TRPC7: variants seen among roughly 807,000 people sequenced by gnomAD.
The protein encoded by TRPC7 is transient receptor potential cation channel subfamily C member 7, also known as short transient receptor potential channel 7.
TRPC7 carries 42 observed loss-of-function variants against 90.1 expected under a neutral mutation model. The observed-to-expected ratio is 0.47, with a 90% CI of 0.36 to 0.60. TRPC7 has a LOEUF of 0.60. Ranked by LOEUF, TRPC7 falls within the 20% of genes least tolerant of loss-of-function variation. The probability of loss-of-function intolerance (pLI) is 0.00; values close to 1 mark genes in which losing one functional copy is unlikely to be tolerated. For synonymous variants in TRPC7, 451 were observed against 436.3 expected (o/e 1.03, Z -0.42); for missense variants, 955 against 1,112.3 (o/e 0.86, Z 2.01).
intron 7 of TRPC7, among the ~76,000 whole-genome samples, chr5:136,241,014 A>C (rs937209367): frequency 6.6e-6 from 1 of 152,096 alleles, no homozygotes; most frequent in African/African-American, 2.4e-5. Flanking sequence ...GTGTGTGGGC[A>C]GAGTCTTAAG....
intron 3 of TRPC7, among the ~76,000 whole-genome samples, chr5:136,288,668 G>A (rs968948161): frequency 3.7e-4 from 56 of 152,314 alleles, no homozygotes; most frequent in Admixed American, 1.9e-3. Flanking sequence ...ACACAGGGCC[G>A]TTTGCTCACA....
intron 3 of TRPC7, among the ~76,000 whole-genome samples, chr5:136,291,893 T>C (rs1309825537): frequency 6.6e-6 from 1 of 152,152 alleles, no homozygotes; most frequent in Admixed American, 6.5e-5. Context: ...TAGTTGGAAG[T>C]AAAGCACTCC....
At chr5:136,227,370 C>A (rs1353479989) in intron 8 of TRPC7, among the ~76,000 whole-genome samples, 4 of 152,176 alleles carry the variant, frequency 2.6e-5, no homozygotes, top group Admixed American at 2.6e-4. Flanking sequence ...AAACTGCTTC[C>A]CTCACATAGC....
intron 2 of TRPC7, among the ~76,000 whole-genome samples, chr5:136,354,885 T>C (rs939389149): frequency 1.3e-5 from 2 of 152,178 alleles, no homozygotes; most frequent in African/African-American, 2.4e-5. Flanking sequence ...ATGCCTACTC[T>C]CTCTTCGTAA....
At chr5:136,255,495 T>C (rs568074306) in intron 5 of TRPC7, among the ~76,000 whole-genome samples, 1 of 152,366 alleles carries the variant, frequency 6.6e-6, no homozygotes, top group African/African-American at 2.4e-5. Context: ...GTTCTCACTT[T>C]TTTTAGACAT....
intron 10 of TRPC7, among the ~76,000 whole-genome samples, chr5:136,221,144 G>C (rs759905108): frequency 5.5e-4 from 83 of 151,366 alleles, no homozygotes; most frequent in Admixed American, 8.6e-4. Context: ...TGTATGTTTT[G>C]TGATGAGTTT....
chr5:136,324,296 A>G (rs1237723065), intron 2 of TRPC7, among the ~76,000 whole-genome samples: 2 of 152,182 alleles, frequency 1.3e-5, no homozygotes, highest in African/African-American at 2.4e-5. Flanking sequence ...TGGTGAGAAA[A>G]TGCTCAGAAA....
intron 8 of TRPC7, among the ~76,000 whole-genome samples, chr5:136,227,462 G>A (rs115612761): frequency 1.0e-3 from 155 of 152,306 alleles, no homozygotes; most frequent in African/African-American, 3.7e-3. Context: ...GAGGGGCTGT[G>A]AACCCAGCAA....
At chr5:136,361,936 G>A (rs2673926) in intron 1 of TRPC7, among the ~76,000 whole-genome samples, 57,303 of 151,912 alleles carry the variant, frequency 0.38, 11,764 homozygotes, top group African/African-American at 0.55. Flanking sequence ...AGCACAGTGA[G>A]GATTAAATAA....
chr5:136,288,276 T>G (rs1434603395), intron 3 of TRPC7, among the ~76,000 whole-genome samples: 1 of 152,170 alleles, frequency 6.6e-6, no homozygotes, highest in Non-Finnish European at 1.5e-5. Flanking sequence ...AAATTCATAC[T>G]GTTTATGCCT....
chr5:136,298,887 T>A (rs963065251), intron 3 of TRPC7, among the ~76,000 whole-genome samples: 1 of 152,180 alleles, frequency 6.6e-6, no homozygotes, highest in African/African-American at 2.4e-5. Flanking sequence ...TGTTTCAGGC[T>A]CTGCTTCTAG....
In TRPC7 at chr5:136,365,481, C is replaced by T. The variant is rs945690369; in HGVS notation, c.-227G>A. On this transcript the variant is annotated 5_prime_UTR_variant, in exon 1 of 12. Coordinates refer to ENST00000513104, the MANE Select transcript of TRPC7 (RefSeq NM_020389.3). ...GCCTTCCGAGGCAGAACCGTGTTAC[C>T]GTCCTTTTCCTAATCGGGGGGAAAT... 5 of 571,452 alleles carry T rather than the reference C, an allele frequency of 8.7e-6. No homozygotes were observed. Among genetic ancestry groups the T allele is most frequent in the African/African-American group, 7.5e-5 (4 of 53,556 alleles). 35.4% of individuals were successfully genotyped at this position (571,452 alleles called of 1,614,324 possible). A position where few individuals can be genotyped will look rare whatever the true frequency, so the allele number is the denominator to read the frequency against.
intron 7 of TRPC7, among the ~76,000 whole-genome samples, chr5:136,246,707 A>G (rs1198869315): frequency 6.6e-6 from 1 of 152,176 alleles, no homozygotes; most frequent in Non-Finnish European, 1.5e-5. Flanking sequence ...CCCTCACTCT[A>G]ATAAAGTGTT....
At chr5:136,337,663 CAA>C (rs55856709) in intron 2 of TRPC7, among the ~76,000 whole-genome samples, 426 of 121,522 alleles carry the variant, frequency 3.5e-3, no homozygotes, top group Middle Eastern at 0.017. Context: ...GAGACTCCAT[CAA>C]AAAAAAAAAA....
At position 136,247,167 on chromosome 5, in the gene TRPC7, A is replaced by C. The variant is rs1214709799; in HGVS notation, c.1844+304T>G. On this transcript the variant is annotated intron_variant, in intron 7 of 11. Coordinates refer to ENST00000513104, the MANE Select transcript of TRPC7 (RefSeq NM_020389.3). This position sits in a 1 kb window ranked among gnomAD's most constrained non-coding sequence, Gnocchi z 4.2. ...CATTTATGAAATTTCCATTTATGAA[A>C]TAATTCCTGATTGCTGAGAATGTCA... Among the ~76,000 whole-genome samples, 2 of 152,180 alleles carry C rather than the reference A, an allele frequency of 1.3e-5. No individual in the cohort carries two copies. Among genetic ancestry groups the C allele is most frequent in the Non-Finnish European group, 2.9e-5 (2 of 68,040 alleles).
chr5:136,253,015 A>T (rs1756573137), intron 5 of TRPC7, among the ~76,000 whole-genome samples: 1 of 152,228 alleles, frequency 6.6e-6, no homozygotes, highest in African/African-American at 2.4e-5. Flanking sequence ...AGCACTTGAA[A>T]TGTGTCTAGT....
Position 136,213,317 on chromosome 5 carries a change from G to T in TRPC7, c.*118C>A. On this transcript the variant is annotated 3_prime_UTR_variant, in exon 12 of 12. Transcript: ENST00000513104. ...CATGCTGCAAGAGACTGAGCCAGGAGATCCCCTTCGTGTCCTAGAGGAGTG... is the reference window on the plus strand; with the variant it reads ...CATGCTGCAAGAGACTGAGCCAGGATATCCCCTTCGTGTCCTAGAGGAGTG... 1 of 1,025,332 alleles carries T rather than the reference G, an allele frequency of 9.8e-7. No individual in the cohort carries two copies. Among genetic ancestry groups the T allele is most frequent in the Non-Finnish European group, 1.4e-6 (1 of 702,770 alleles). The allele number at this position is 1,025,332 out of a possible 1,614,324, so 63.5% of individuals were successfully genotyped here.
intron 10 of TRPC7, among the ~76,000 whole-genome samples, chr5:136,224,304 G>A (rs76230204): frequency 1.0e-3 from 156 of 152,268 alleles, no homozygotes; most frequent in African/African-American, 3.7e-3. Context: ...CTGGCGCATG[G>A]GCTGATCCAA....
At chr5:136,315,877 T>C in intron 2 of TRPC7, 98 bp from the exon 3 acceptor site, 2 of 1,210,412 alleles carry the variant, frequency 1.7e-6, no homozygotes, top group South Asian at 2.9e-5. Context: ...TCACCACATG[T>C]GACCTTATGG....
Sources: allele counts gnomAD v4.1 joint callset (sites outside exome capture counted in the v4.1 genomes callset), GRCh38; gene constraint gnomAD v4.1.1; non-coding constraint Gnocchi (gnomAD v3.1); transcripts MANE v1.5; gene names NCBI Gene and HGNC (gene_info 2026-07-23, HGNC 2026-07-21).